Variants in RGS8 observed in about 807,000 individuals in gnomAD.
RGS8 encodes regulator of G protein signaling 8, also known as regulator of G-protein signaling 8.
RGS8 carries 8 observed loss-of-function variants against 21.7 expected under a neutral mutation model. The ratio of observed to expected loss-of-function variants is 0.37; its 90% confidence interval spans 0.22 to 0.66. The LOEUF is 0.66. Ranked by LOEUF, RGS8 falls within the 30% of genes least tolerant of loss-of-function variation. The pLI is 0.59. For synonymous variants in RGS8, 80 were observed against 83.6 expected, an observed-to-expected ratio of 0.96 and a Z score of 0.24; for missense variants, 157 against 217.9, an observed-to-expected ratio of 0.72 and a Z score of 1.76.
chr1:182,726,328 G>A, the RGS8 span, among the ~76,000 whole-genome samples: 1 of 152,270 alleles, frequency 6.6e-6, no homozygotes, highest in African/African-American at 2.4e-5. Flanking sequence ...TAGGAGTAGA[G>A]ATAGGTCTAT....
upstream of RGS8, among the ~76,000 whole-genome samples, chr1:182,673,288 A>G (rs1664249735): frequency 6.6e-6 from 1 of 152,212 alleles, no homozygotes; most frequent in Non-Finnish European, 1.5e-5. Context: ...TCACTCAACA[A>G]TCCTATGCCA....
chr1:182,648,329 A>G, intron 5 of RGS8, 26 bp from the exon 7 acceptor site: 1 of 1,608,864 alleles, frequency 6.2e-7, no homozygotes, highest in Non-Finnish European at 8.5e-7. Flanking sequence ...GAAGAAAAGA[A>G]GAGAGATAGG....
At chr1:182,671,756 T>C (rs1664174133) in intron 1 of RGS8, 26 bp from the exon 3 acceptor site, 3 of 1,613,836 alleles carry the variant, frequency 1.9e-6, no homozygotes, top group Non-Finnish European at 1.7e-6. Context: ...ATCTTTCTTT[T>C]AGCAGTCAAA....
chr1:182,716,108 T>A, the RGS8 span, among the ~76,000 whole-genome samples: 1 of 149,578 alleles, frequency 6.7e-6, no homozygotes, highest in Admixed American at 6.7e-5. Flanking sequence ...ATGAAAATAG[T>A]AGTTACACTG....
At chr1:182,732,272 TACAC>T in the RGS8 span, among the ~76,000 whole-genome samples, 811 of 132,568 alleles carry the variant, frequency 6.1e-3, 4 homozygotes, top group Middle Eastern at 0.034. Context: ...CTCTCTCTCA[TACAC>T]ACACACACAC....
chr1:182,746,540 G>A, the RGS8 span, among the ~76,000 whole-genome samples: 1 of 152,064 alleles, frequency 6.6e-6, no homozygotes, highest in Non-Finnish European at 1.5e-5. Context: ...GGTGGCTTAT[G>A]CCTGTAATCC....
At chr1:182,737,513 A>C in the RGS8 span, among the ~76,000 whole-genome samples, 28 of 152,202 alleles carry the variant, frequency 1.8e-4, no homozygotes, top group African/African-American at 6.7e-4. Context: ...AATAAGTCTT[A>C]CGAGATCTGA....
chr1:182,675,660 A>G (rs1414228660), upstream of RGS8, among the ~76,000 whole-genome samples: 1 of 152,056 alleles, frequency 6.6e-6, no homozygotes, highest in African/African-American at 2.4e-5. Context: ...TGATCTGCCT[A>G]TTAACTCTCA....
chr1:182,672,863 C>T (rs772403920), upstream of RGS8: 1 of 1,613,872 alleles, frequency 6.2e-7, no homozygotes, highest in Non-Finnish European at 8.5e-7. Flanking sequence ...AGAAGGAGGA[C>T]TCTCTTCCTG....
chr1:182,645,240 C>G (rs1035998617), downstream of RGS8: 2 of 152,238 alleles, frequency 1.3e-5, no homozygotes, highest in African/African-American at 4.8e-5. Context: ...TCCACTTAGT[C>G]AAGCTGAACG....
chr1:182,654,470 G>A (rs2102415542), intron 5 of RGS8, among the ~76,000 whole-genome samples: 1 of 152,310 alleles, frequency 6.6e-6, no homozygotes, highest in Middle Eastern at 3.4e-3. Flanking sequence ...ATTAATTTGG[G>A]ATAAGGTCAC....
At chr1:182,673,938 A>T (rs985686913), upstream of RGS8, among the ~76,000 whole-genome samples, 3 of 152,256 alleles carry the variant, frequency 2.0e-5, no homozygotes, top group Non-Finnish European at 4.4e-5. Context: ...CAAACATCGT[A>T]TTTGAGTTAT....
chr1:182,683,704 T>C (rs1664615693), intron 1 of RGS8, among the ~76,000 whole-genome samples: 1 of 151,704 alleles, frequency 6.6e-6, no homozygotes, highest in South Asian at 2.1e-4. Flanking sequence ...CCACGGACTC[T>C]TCAGTCCCTG....
the RGS8 span, among the ~76,000 whole-genome samples, chr1:182,713,043 T>C: frequency 1.3e-5 from 2 of 152,304 alleles, no homozygotes; most frequent in African/African-American, 4.8e-5. Context: ...AAGATAAGAA[T>C]TGGCCAAGTT....
At chr1:182,720,928 CATATATACAT>C in the RGS8 span, among the ~76,000 whole-genome samples, 32 of 127,696 alleles carry the variant, frequency 2.5e-4, no homozygotes, top group Non-Finnish European at 2.8e-4. Flanking sequence ...TACATATATA[CATATATACAT>C]ATATATACAT....
the RGS8 span, among the ~76,000 whole-genome samples, chr1:182,740,537 TTTG>T: frequency 7.5e-4 from 45 of 59,910 alleles, no homozygotes; most frequent in South Asian, 5.4e-3. Flanking sequence ...TGTTGTTTTT[TTTG>T]TTTGTTTGTT....
the RGS8 span, among the ~76,000 whole-genome samples, chr1:182,720,902 C>CAT: frequency 1.3e-4 from 4 of 31,504 alleles, no homozygotes; most frequent in East Asian, 1.8e-3. Flanking sequence ...CATATATATA[C>CAT]ATATGTGTGT....
At chr1:182,701,383 G>A in the RGS8 span, among the ~76,000 whole-genome samples, 5 of 152,312 alleles carry the variant, frequency 3.3e-5, no homozygotes, top group South Asian at 1.0e-3. Flanking sequence ...GGGAATTTCA[G>A]GCCAGGTCAA....
the RGS8 span, among the ~76,000 whole-genome samples, chr1:182,735,737 T>G: frequency 6.6e-6 from 1 of 152,230 alleles, no homozygotes. Context: ...GCTCTGGCCC[T>G]TTCTTTTCTA....
Sources: gnomAD v4.1 joint callset for allele counts (sites outside exome capture counted in the v4.1 genomes callset) on GRCh38, gnomAD v4.1.1 for gene constraint, MANE v1.5 for transcripts, NCBI Gene and HGNC (gene_info 2026-07-23, HGNC 2026-07-21) for gene names.